The following GPHN variants were observed in gnomAD, a reference collection of about 807,000 sequenced individuals.
GPHN encodes the protein gephyrin.
A neutral mutation model predicts 95.5 loss-of-function variants in GPHN; 17 were observed. The ratio of observed to expected loss-of-function variants is 0.18; its 90% CI spans 0.12 to 0.27. The LOEUF (loss-of-function observed/expected upper bound fraction) is 0.27. Among genes scored for constraint, GPHN ranks in the 10% least tolerant of loss-of-function variants. GPHN has a pLI of 1.00. For missense variants in GPHN, 660 were observed against 978.1 expected, an observed-to-expected ratio of 0.67 and a Z score of 4.34; for synonymous variants, 320 against 322.5, an observed-to-expected ratio of 0.99 and a Z score of 0.08.
At chr14:67,508,759 A>G in the GPHN span, among the ~76,000 whole-genome samples, 1 of 149,668 alleles carries the variant, frequency 6.7e-6, no homozygotes, top group Admixed American at 6.7e-5. Context: ...GTCTCAAAAA[A>G]AAAAAAAAAA....
At chr14:67,207,582 G>T in the GPHN span, among the ~76,000 whole-genome samples, 11 of 152,086 alleles carry the variant, frequency 7.2e-5, no homozygotes, top group Admixed American at 7.2e-4. Context: ...AGGGGCAGTG[G>T]AAAGAAGAAG....
intron 1 of GPHN, among the ~76,000 whole-genome samples, chr14:66,522,383 G>A (rs534210958): frequency 4.4e-4 from 67 of 152,140 alleles, no homozygotes; most frequent in Non-Finnish European, 8.5e-4. Context: ...GTTATAGTAT[G>A]TATTATATGA....
the GPHN span, among the ~76,000 whole-genome samples, chr14:67,567,310 A>C: frequency 1.3e-5 from 2 of 152,160 alleles, no homozygotes; most frequent in African/African-American, 2.4e-5. Flanking sequence ...TATGTATCTT[A>C]GAGTTTGGAA....
At chr14:67,323,766 A>G in the GPHN span, 1 of 1,606,004 alleles carries the variant, frequency 6.2e-7, no homozygotes, top group Non-Finnish European at 8.5e-7. Flanking sequence ...CCCCCTTCAC[A>G]AGAAAGACTT....
At chr14:67,664,888 A>G in the GPHN span, among the ~76,000 whole-genome samples, 1 of 151,730 alleles carries the variant, frequency 6.6e-6, no homozygotes, top group Non-Finnish European at 1.5e-5. Flanking sequence ...TTTTTTTGAG[A>G]CTGTGTCTCA....
At chr14:66,948,835 C>G in intron 8 of GPHN, among the ~76,000 whole-genome samples, 1 of 152,162 alleles carries the variant, frequency 6.6e-6, no homozygotes, top group Non-Finnish European at 1.5e-5. Flanking sequence ...GATGGGGTCT[C>G]ACTCTATTGC....
intron 1 of GPHN, among the ~76,000 whole-genome samples, chr14:66,615,367 G>A (rs2062961762): frequency 6.6e-6 from 1 of 151,942 alleles, no homozygotes; most frequent in Non-Finnish European, 1.5e-5. Context: ...AGCCTCGCCA[G>A]CATCTATTGT....
chr14:67,002,345 G>T (rs1006831660), intron 9 of GPHN, among the ~76,000 whole-genome samples: 1 of 123,322 alleles, frequency 8.1e-6, no homozygotes, highest in Non-Finnish European at 1.6e-5. Flanking sequence ...GATACCTAGA[G>T]TCTCTGAATA....
chr14:67,657,788 G>C, the GPHN span, among the ~76,000 whole-genome samples: 10 of 134,974 alleles, frequency 7.4e-5, no homozygotes, highest in South Asian at 2.3e-3. Context: ...TCGCTCTGTC[G>C]CCCGGGCTGG....
chr14:67,224,345 G>A, the GPHN span, among the ~76,000 whole-genome samples: 3 of 148,674 alleles, frequency 2.0e-5, no homozygotes, highest in African/African-American at 7.5e-5. Flanking sequence ...TGCAACCTCC[G>A]CCTCCCAGGT....
the GPHN span, among the ~76,000 whole-genome samples, chr14:67,595,092 G>A: frequency 6.6e-5 from 10 of 152,002 alleles, no homozygotes; most frequent in African/African-American, 2.2e-4. Flanking sequence ...AGCCGAGATC[G>A]CGCCACTGCA....
the GPHN span, among the ~76,000 whole-genome samples, chr14:67,538,357 G>A: frequency 6.6e-6 from 1 of 152,222 alleles, no homozygotes; most frequent in African/African-American, 2.4e-5. Context: ...CAGATGTGAT[G>A]AGTTTTCTCA....
intron 3 of GPHN, among the ~76,000 whole-genome samples, chr14:66,816,677 A>G (rs1308365774): frequency 6.6e-6 from 1 of 152,210 alleles, no homozygotes; most frequent in East Asian, 1.9e-4. Context: ...AATTTATAGC[A>G]CTAAATGCCA....
chr14:67,210,109 A>C, the GPHN span, among the ~76,000 whole-genome samples: 1 of 152,242 alleles, frequency 6.6e-6, no homozygotes, highest in African/African-American at 2.4e-5. Flanking sequence ...TCCTTTACTT[A>C]TGGTAACATG....
the GPHN span, among the ~76,000 whole-genome samples, chr14:67,487,654 C>T: frequency 0.047 from 7,121 of 152,282 alleles, 206 homozygotes; most frequent in East Asian, 0.097. Context: ...AACCTTTCTA[C>T]GTACTATTCT....
the GPHN span, chr14:67,585,986 A>G: frequency 6.8e-6 from 11 of 1,613,850 alleles, no homozygotes; most frequent in South Asian, 2.2e-5. Context: ...CTTCAGTGAC[A>G]ACGTTTGGTG....
At chr14:67,519,619 A>G in the GPHN span, among the ~76,000 whole-genome samples, 1 of 152,178 alleles carries the variant, frequency 6.6e-6, no homozygotes, top group East Asian at 1.9e-4. Context: ...AAGAAGGGAA[A>G]GGCTGCCAAG....
At chr14:67,077,237 C>A (rs1261890199) in intron 11 of GPHN, among the ~76,000 whole-genome samples, 1 of 152,012 alleles carries the variant, frequency 6.6e-6, no homozygotes, top group Non-Finnish European at 1.5e-5. Context: ...TTTTTGTGGT[C>A]TGTTGATATG....
chr14:66,937,828 A>G (rs1350189610), intron 8 of GPHN, among the ~76,000 whole-genome samples: 1 of 152,200 alleles, frequency 6.6e-6, no homozygotes, highest in Non-Finnish European at 1.5e-5. Flanking sequence ...ATTACTTAAT[A>G]CTTTTAAAGG....
Sources: allele counts gnomAD v4.1 joint callset (sites outside exome capture counted in the v4.1 genomes callset), GRCh38; gene constraint gnomAD v4.1.1; transcripts MANE v1.5; gene names NCBI Gene and HGNC (gene_info 2026-07-23, HGNC 2026-07-21).